The following DOCK1 variants were observed in gnomAD, a reference collection of about 807,000 sequenced individuals.
DOCK1 encodes dedicator of cytokinesis 1.
In DOCK1, 138 loss-of-function variants were observed where a neutral mutation model predicts 262.7. That is an observed-to-expected ratio of 0.53 (90% CI 0.46 to 0.61). The LOEUF (loss-of-function observed/expected upper bound fraction) is 0.61, where lower values mean the gene tolerates loss of function less well. Among genes scored for constraint, DOCK1 ranks in the 20% least tolerant of loss-of-function variants. The probability of loss-of-function intolerance (pLI) is 0.00; values close to 1 mark genes in which losing one functional copy is unlikely to be tolerated. For missense variants in DOCK1, 1,908 were observed against 2,370.7 expected (o/e 0.80, Z 4.05); for synonymous variants, 866 against 867.4 (o/e 1.00, Z 0.03).
intron 1 of DOCK1, among the ~76,000 whole-genome samples, chr10:126,912,874 G>C (rs186636521): frequency 2.0e-5 from 3 of 152,268 alleles, no homozygotes; most frequent in Admixed American, 2.0e-4. Flanking sequence ...AATTTCTGAG[G>C]TTAGAACACT....
At chr10:126,934,841 G>T (rs1157424781) in intron 1 of DOCK1, among the ~76,000 whole-genome samples, 1 of 151,418 alleles carries the variant, frequency 6.6e-6, no homozygotes, top group Non-Finnish European at 1.5e-5. Context: ...ACTAGGCCGG[G>T]TGCGGTGGCT....
intron 5 of DOCK1, among the ~76,000 whole-genome samples, chr10:126,989,987 G>C (rs540206490): frequency 3.9e-5 from 6 of 152,258 alleles, no homozygotes; most frequent in Non-Finnish European, 5.9e-5. Context: ...GAGCGAGGCC[G>C]AGGAGTTCAG....
rs146718465 is a variant in DOCK1 at position 127,347,894 on chromosome 10, CTT to C, written c.3224+4149_3224+4150del. Among the ~76,000 whole-genome samples the C allele has an allele frequency of 5.2e-4, 45 of 86,410 alleles. 10 individuals carry two copies. The highest frequency in any genetic ancestry group is 9.9e-4 in the Admixed American group (9 of 9,128). The allele number at this position is 86,410 out of a possible 152,430, so 56.7% of individuals were successfully genotyped here. The stretch of plus-strand genomic sequence containing the variant: ...CTTCCCTTCCCTTCCCATCCCTTCC[CTT>C]CCCCCTTGCTAAGCCCTTGCAGCTC... On this transcript the variant is annotated intron_variant, in intron 31 of 51. Coordinates refer to ENST00000623213, the MANE Select transcript of DOCK1 (RefSeq NM_001290223.2).
At chr10:127,231,241 C>CT (rs3083935) in intron 27 of DOCK1, among the ~76,000 whole-genome samples, 45,278 of 143,994 alleles carry the variant, frequency 0.31, 6,823 homozygotes, top group South Asian at 0.41. Flanking sequence ...GAATCCAAGG[C>CT]TTTTTTTTTT....
chr10:126,953,345 G>T (rs931724591), intron 1 of DOCK1, among the ~76,000 whole-genome samples: 1 of 151,248 alleles, frequency 6.6e-6, no homozygotes. Context: ...TGTCAGTGAT[G>T]GTGGTTGTGG....
At chr10:127,170,892 C>T (rs934826180) in intron 27 of DOCK1, among the ~76,000 whole-genome samples, 4 of 152,182 alleles carry the variant, frequency 2.6e-5, no homozygotes, top group African/African-American at 9.7e-5. Flanking sequence ...GCCCGCACTG[C>T]ATAAAGCAGA....
At chr10:127,195,171 G>A (rs1292673900) in intron 27 of DOCK1, among the ~76,000 whole-genome samples, 1 of 152,194 alleles carries the variant, frequency 6.6e-6, no homozygotes, top group Admixed American at 6.5e-5. Flanking sequence ...GGGGACATCA[G>A]CCTGGAGCCC....
intron 19 of DOCK1, 145 bp downstream of exon 19, chr10:127,037,961 C>A: frequency 5.8e-6 from 4 of 684,572 alleles, no homozygotes; most frequent in South Asian, 4.7e-5. Context: ...GGATTGGGTG[C>A]GGTGGCTTAC....
At chr10:127,146,411 G>A (rs562865204) in intron 27 of DOCK1, among the ~76,000 whole-genome samples, 2 of 152,204 alleles carry the variant, frequency 1.3e-5, no homozygotes, top group African/African-American at 4.8e-5. Flanking sequence ...GTACATATTC[G>A]AGGGACATAA....
chr10:127,050,706 A>G (rs1038627586), intron 21 of DOCK1, among the ~76,000 whole-genome samples: 6 of 126,524 alleles, frequency 4.7e-5, no homozygotes, highest in South Asian at 2.4e-4. Flanking sequence ...CTCTGTCTGA[A>G]AAAAAAAAAA....
chr10:127,245,407 TGGCCCATCCTTCTGGCCCTTCTG>T (rs2059398896), intron 27 of DOCK1, among the ~76,000 whole-genome samples: 1 of 152,252 alleles, frequency 6.6e-6, no homozygotes, highest in African/African-American at 2.4e-5. Flanking sequence ...CTTGTGGAGA[TGGCCCATCCTTCTGGCCCTTCTG>T]GGCCTCCTGT....
intron 27 of DOCK1, among the ~76,000 whole-genome samples, chr10:127,133,653 T>A (rs2050459563): frequency 6.6e-6 from 1 of 152,222 alleles, no homozygotes; most frequent in African/African-American, 2.4e-5. Context: ...CATTGTTGAA[T>A]GGGCACAATA....
chr10:127,023,043 G>T (rs1011885352), intron 13 of DOCK1, among the ~76,000 whole-genome samples, 157 bp from the exon 14 acceptor site: 1 of 152,280 alleles, frequency 6.6e-6, no homozygotes, highest in East Asian at 1.9e-4. Flanking sequence ...CTCTTGTCAT[G>T]TATTTAAATG....
chr10:126,981,354 C>T (rs927316879), intron 3 of DOCK1, among the ~76,000 whole-genome samples: 4 of 152,228 alleles, frequency 2.6e-5, no homozygotes, highest in Admixed American at 2.6e-4. Flanking sequence ...ATGTGCATTG[C>T]ACTTGAGGGA....
At chr10:126,927,625 C>T (rs1008314916) in intron 1 of DOCK1, among the ~76,000 whole-genome samples, 58 of 152,178 alleles carry the variant, frequency 3.8e-4, no homozygotes, top group African/African-American at 1.3e-3. Context: ...TTAGTAGAGA[C>T]GGGGTTTCAT....
At chr10:127,317,554 C>G (rs1037779912) in intron 29 of DOCK1, among the ~76,000 whole-genome samples, 2 of 152,184 alleles carry the variant, frequency 1.3e-5, no homozygotes, top group Non-Finnish European at 2.9e-5. Context: ...AGAGAAGACA[C>G]AGTGTCCGGA....
chr10:127,319,669 C>T (rs1394868272), intron 29 of DOCK1, among the ~76,000 whole-genome samples: 2 of 147,814 alleles, frequency 1.4e-5, no homozygotes, highest in Admixed American at 6.9e-5. Flanking sequence ...ACCTGAATTC[C>T]ATCCCCTGTG....
chr10:127,243,656 C>T lies in DOCK1; in HGVS notation c.2848-4352C>T, dbSNP rs139933626. ...CAGGAGGGCTGGGGGTGTGCGGGGACGACTTCTGTCCAGGGCTCCCTCCAG... is the reference window on the plus strand; with the variant it reads ...CAGGAGGGCTGGGGGTGTGCGGGGATGACTTCTGTCCAGGGCTCCCTCCAG... On this transcript the variant is annotated intron_variant, in intron 27 of 51. Transcript: ENST00000623213. 2.3e-3 allele frequency among the ~76,000 whole-genome samples: 348 copies of T among 152,238 alleles called. 1 individual carries two copies. Among genetic ancestry groups the T allele is most frequent in the Non-Finnish European group, 3.9e-3 (262 of 68,014 alleles).
chr10:127,268,299 C>A (rs1036486411), intron 29 of DOCK1, among the ~76,000 whole-genome samples: 2 of 151,718 alleles, frequency 1.3e-5, no homozygotes, highest in African/African-American at 4.8e-5. Flanking sequence ...AGTTCGAGAC[C>A]AGCCTGACCA....
Sources: allele counts gnomAD v4.1 joint callset (sites outside exome capture counted in the v4.1 genomes callset), GRCh38; gene constraint gnomAD v4.1.1; transcripts MANE v1.5; gene names NCBI Gene and HGNC (gene_info 2026-07-23, HGNC 2026-07-21).